The following ZNF264 variants were observed in gnomAD, a reference collection of about 807,000 sequenced individuals.
ZNF264 encodes the protein zinc finger protein 264.
In ZNF264, 11 loss-of-function variants were observed where a neutral mutation model predicts 11.2. That is an observed-to-expected ratio of 0.98 (90% confidence interval 0.62 to 1.63). ZNF264 has a LOEUF of 1.63. ZNF264 is among the 40% of genes most tolerant of loss of function. The probability of loss-of-function intolerance (pLI) is 0.00; values close to 1 mark genes in which losing one functional copy is unlikely to be tolerated. For missense variants in ZNF264, 752 were observed against 768.1 expected (o/e 0.98, Z 0.25); for synonymous variants, 309 against 279.8 (o/e 1.10, Z -1.04).
At position 57,215,607 on chromosome 19, in the gene ZNF264, G is replaced by A. The variant is rs891730616; in HGVS notation, c.*2626G>A. The A allele has an allele frequency of 2.6e-4, 39 of 151,562 alleles. No individual in the cohort carries two copies. The highest frequency in any genetic ancestry group is 8.2e-4 in the African/African-American group (34 of 41,238). The allele number at this position is 151,562 out of a possible 1,614,324, so 9.4% of individuals were successfully genotyped here. A position where few individuals can be genotyped will look rare whatever the true frequency, so the allele number is the denominator to read the frequency against. On this transcript the variant is annotated 3_prime_UTR_variant, in exon 4 of 4. Coordinates refer to ENST00000263095, the MANE Select transcript of ZNF264 (RefSeq NM_003417.5). ...GGCTCTTTCTAACTTTTCAAGGTGGGGTTTTAGATTATTGATTTGAGATTT... is the reference window on the plus strand; with the variant it reads ...GGCTCTTTCTAACTTTTCAAGGTGGAGTTTTAGATTATTGATTTGAGATTT...
chr19:57,195,501 T>G (rs532813612), intron 2 of ZNF264, among the ~76,000 whole-genome samples: 3 of 152,196 alleles, frequency 2.0e-5, no homozygotes, highest in East Asian at 1.9e-4. Flanking sequence ...CAGGTCATGG[T>G]TTTTTTTCCT....
At chr19:57,201,976 C>A (rs2087256641) in intron 2 of ZNF264, among the ~76,000 whole-genome samples, 1 of 151,644 alleles carries the variant, frequency 6.6e-6, no homozygotes, top group Admixed American at 6.6e-5. Context: ...GTATGGGAGG[C>A]AAGAGGGTTG....
chr19:57,194,714 G>A, intron 2 of ZNF264: 1 of 386,140 alleles, frequency 2.6e-6, no homozygotes, highest in Non-Finnish European at 4.5e-6. Flanking sequence ...CCCAGATTAA[G>A]GGGGGGGTCT....
chr19:57,204,809 T>C (rs2122752287), intron 2 of ZNF264, among the ~76,000 whole-genome samples: 1 of 152,326 alleles, frequency 6.6e-6, no homozygotes, highest in East Asian at 1.9e-4. Flanking sequence ...GTCGTTGGCA[T>C]ACCTGGACCC....
chr19:57,197,671 A>G (rs1041147960), intron 2 of ZNF264, among the ~76,000 whole-genome samples: 1 of 151,934 alleles, frequency 6.6e-6, no homozygotes, highest in African/African-American at 2.4e-5. Context: ...CTGGAGTGGC[A>G]TACCCAAATG....
intron 3 of ZNF264, among the ~76,000 whole-genome samples, chr19:57,208,917 G>A (rs2087314167): frequency 6.6e-6 from 1 of 152,102 alleles, no homozygotes; most frequent in South Asian, 2.1e-4. Flanking sequence ...TTTCACTGCT[G>A]TAATGTTTTA....
At chr19:57,203,711 G>A (rs1284946082) in intron 2 of ZNF264, among the ~76,000 whole-genome samples, 3 of 152,086 alleles carry the variant, frequency 2.0e-5, no homozygotes, top group Non-Finnish European at 4.4e-5. Flanking sequence ...CAGAGGTCTG[G>A]AATCACTGAA....
intron 3 of ZNF264, among the ~76,000 whole-genome samples, chr19:57,207,144 C>T (rs1229541636): frequency 1.3e-5 from 2 of 150,462 alleles, no homozygotes; most frequent in African/African-American, 4.9e-5. Flanking sequence ...TGCCACCTCC[C>T]AAGTTTCTGT....
chr19:57,193,854 T>G (rs780255038), intron 1 of ZNF264, 21 bp from the exon 2 acceptor site: 1 of 1,613,556 alleles, frequency 6.2e-7, no homozygotes, highest in Non-Finnish European at 8.5e-7. Context: ...CCAATACTAC[T>G]AATTCTGTTT....
Position 57,214,606 on chromosome 19 carries a change from G to T in ZNF264, c.*1625G>T, listed in dbSNP as rs1467290720. The T allele has an allele frequency of 6.6e-6, 1 of 152,260 alleles. No homozygotes were observed. The highest frequency in any genetic ancestry group is 1.5e-5 in the Non-Finnish European group (1 of 68,096). The allele number at this position is 152,260 out of a possible 1,614,324, so 9.4% of individuals were successfully genotyped here. A position where few individuals can be genotyped will look rare whatever the true frequency, so the allele number is the denominator to read the frequency against. The stretch of plus-strand genomic sequence containing the variant: ...GGGCTCAAGCAACCTGCTTGCCTGG[G>T]TCTCCCAAAGTGCTGGGATTACAGG... On this transcript the variant is annotated 3_prime_UTR_variant, in exon 4 of 4. Transcript: ENST00000263095.
chr19:57,193,233 C>T (rs1254375583), intron 1 of ZNF264, among the ~76,000 whole-genome samples: 1 of 152,128 alleles, frequency 6.6e-6, no homozygotes, highest in Admixed American at 6.5e-5. Flanking sequence ...ATAGCGCTTC[C>T]TTAGCATGAA....
At chr19:57,192,466 T>C (rs1304406223) in intron 1 of ZNF264, 2 of 985,260 alleles carry the variant, frequency 2.0e-6, no homozygotes, top group Non-Finnish European at 2.4e-6. Flanking sequence ...CTCTCATCGC[T>C]ACAGCCTGCA....
rs926046427 is a variant in ZNF264 at position 57,218,967 on chromosome 19, A to G, written c.*5986A>G. ...GAAATGTTAAACTATCTGGGGGAATAGAAAGCCCACAGTCTTCTGAGTTGT... is the reference window on the plus strand; with the variant it reads ...GAAATGTTAAACTATCTGGGGGAATGGAAAGCCCACAGTCTTCTGAGTTGT... On this transcript the variant is annotated 3_prime_UTR_variant, in exon 4 of 4. Transcript: ENST00000263095. The G allele has an allele frequency of 2.6e-5, 4 of 152,214 alleles. No individual in the cohort carries two copies. The highest frequency in any genetic ancestry group is 9.7e-5 in the African/African-American group (4 of 41,450). The allele number at this position is 152,214 out of a possible 1,614,324, so 9.4% of individuals were successfully genotyped here.
At position 57,222,346 on chromosome 19, in the gene ZNF264, C is replaced by CAAA. The variant is rs35800667; in HGVS notation, c.*9385_*9387dup. 33 of 102,938 alleles carry CAAA rather than the reference C, an allele frequency of 3.2e-4. No homozygotes were observed. Among genetic ancestry groups the CAAA allele is most frequent in the East Asian group, 9.6e-4 (3 of 3,136 alleles). The allele number at this position is 102,938 out of a possible 1,614,324, so 6.4% of individuals were successfully genotyped here. ...TGGGTGACAGAGTGAGACTGTGTCT[C>CAAA]AAAAAAAAAAAAAAAAAAAAAATGC... On this transcript the variant is annotated 3_prime_UTR_variant, in exon 4 of 4. Coordinates refer to ENST00000263095, the MANE Select transcript of ZNF264 (RefSeq NM_003417.5).
rs1251053957 is a variant in ZNF264, at chr19:57,215,410, A to C, written c.*2429A>C. On this transcript the variant is annotated 3_prime_UTR_variant, in exon 4 of 4. Transcript: ENST00000263095. ...AATGTGCATACTCATTTTATGATTG[A>C]GTCTTCTTAGACATTTATCAGTTTT... 1.3e-5 allele frequency: 2 copies of C among 152,152 alleles called. No individual in the cohort carries two copies. The highest frequency in any genetic ancestry group is 2.4e-5 in the African/African-American group (1 of 41,444). The allele number at this position is 152,152 out of a possible 1,614,324, so 9.4% of individuals were successfully genotyped here. A position where few individuals can be genotyped will look rare whatever the true frequency, so the allele number is the denominator to read the frequency against.
chr19:57,211,659 T>G lies in ZNF264; in HGVS notation c.562T>G (p.Cys188Gly), dbSNP rs1271486273. ...AGATAGAGTCCGTAGCCATAACTCA[T>G]GTGAGTCAGGTAAAGATCCCATGAT... ...PGDRVRSHNS[C>G]ESGKDPMIQE... is the part of the protein sequence containing the mutation. The change falls in exon 4 of 4, where the codon TGT (cysteine) becomes GGT (glycine). Residue 188 changes from cysteine to glycine, a missense_variant. Coordinates refer to ENST00000263095, the MANE Select transcript of ZNF264 (RefSeq NM_003417.5). 1 of 1,614,182 alleles carries G rather than the reference T, an allele frequency of 6.2e-7. No individual in the cohort carries two copies. Among genetic ancestry groups the G allele is most frequent in the Non-Finnish European group, 8.5e-7 (1 of 1,180,024 alleles).
In ZNF264 at chr19:57,191,723, C is replaced by T. The variant is rs2087174183; in HGVS notation, c.-191C>T. On this transcript the variant is annotated 5_prime_UTR_variant, in exon 1 of 4. Transcript: ENST00000263095. ...GCCCCGCGGTCTCCAGGGGCGGCGCCCTGGGTCTGGAACGCGGTTGCCACC... is the reference window on the plus strand; with the variant it reads ...GCCCCGCGGTCTCCAGGGGCGGCGCTCTGGGTCTGGAACGCGGTTGCCACC... 9.6e-6 allele frequency: 4 copies of T among 416,424 alleles called. No homozygotes were observed. The highest frequency in any genetic ancestry group is 1.7e-5 in the Non-Finnish European group (4 of 240,218). 25.8% of individuals were successfully genotyped at this position (416,424 alleles called of 1,614,324 possible).
chr19:57,196,675 T>C (rs1480032980), intron 2 of ZNF264, among the ~76,000 whole-genome samples: 2 of 151,922 alleles, frequency 1.3e-5, no homozygotes, highest in African/African-American at 4.9e-5. Context: ...CAGGTCATCC[T>C]ATACACTTGA....
intron 3 of ZNF264, among the ~76,000 whole-genome samples, chr19:57,209,114 A>G (rs1183275461): frequency 6.6e-6 from 1 of 152,042 alleles, no homozygotes. Flanking sequence ...TCTAGTTTTT[A>G]ATTTTGTTCT....
Sources: allele counts gnomAD v4.1 joint callset (sites outside exome capture counted in the v4.1 genomes callset), GRCh38; gene constraint gnomAD v4.1.1; transcripts MANE v1.5; gene names NCBI Gene and HGNC (gene_info 2026-07-23, HGNC 2026-07-21).